Variants in TTLL5 observed in about 807,000 individuals in gnomAD.
TTLL5 encodes tubulin tyrosine ligase like 5.
TTLL5 carries 132 observed loss-of-function variants against 168.4 expected under a neutral mutation model. The ratio of observed to expected loss-of-function variants is 0.78; its 90% CI spans 0.68 to 0.91. The LOEUF is 0.91. TTLL5 is among the 40% of genes least tolerant of loss of function. TTLL5 has a pLI of 0.00. For missense variants in TTLL5, 1,545 were observed against 1,581.5 expected (o/e 0.98, Z 0.39); for synonymous variants, 546 against 558.6 (o/e 0.98, Z 0.32).
intron 20 of TTLL5, among the ~76,000 whole-genome samples, chr14:75,768,620 G>T (rs920624507): frequency 6.6e-6 from 1 of 152,136 alleles, no homozygotes; most frequent in Non-Finnish European, 1.5e-5. Flanking sequence ...AGGAAGGTGG[G>T]AAGAGGCCAG....
intron 31 of TTLL5, among the ~76,000 whole-genome samples, chr14:75,950,353 GGAAAGGGCTTGTAAAATCCAATCCA>G (rs1261745351): frequency 2.0e-5 from 3 of 152,162 alleles, no homozygotes; most frequent in Non-Finnish European, 4.4e-5. Flanking sequence ...CACGGTAAAA[GGAAAGGGCTTGTAAAATCCAATCCA>G]GAAAGTGCAA....
chr14:75,951,880 C>G (rs2034972765), intron 31 of TTLL5, among the ~76,000 whole-genome samples: 1 of 152,142 alleles, frequency 6.6e-6, no homozygotes. Flanking sequence ...ATTCAATAAG[C>G]AGTTTCTTAG....
chr14:75,839,135 C>G (rs76567130), intron 28 of TTLL5: 2,227 of 152,910 alleles, frequency 0.015, 18 homozygotes, highest in South Asian at 0.025. Context: ...GTGACACACT[C>G]CTTGTACTTG....
intron 31 of TTLL5, chr14:75,930,676 G>T: frequency 5.1e-6 from 5 of 983,310 alleles, no homozygotes; most frequent in Non-Finnish European, 6.0e-6. Flanking sequence ...GCAAAAATAG[G>T]ATTAGGCAAA....
intron 27 of TTLL5, among the ~76,000 whole-genome samples, chr14:75,797,002 C>T (rs1017032273): frequency 2.2e-4 from 33 of 152,022 alleles, no homozygotes; most frequent in African/African-American, 6.8e-4. Context: ...TTGTAGATTG[C>T]TTTTGGCAGT....
chr14:75,857,182 A>G (rs1897173644), intron 28 of TTLL5, among the ~76,000 whole-genome samples: 1 of 152,216 alleles, frequency 6.6e-6, no homozygotes, highest in African/African-American at 2.4e-5. Flanking sequence ...TAGTTTACTA[A>G]GAGTGTCTGT....
intron 31 of TTLL5, among the ~76,000 whole-genome samples, chr14:75,941,011 C>T (rs1273377124): frequency 6.6e-6 from 1 of 152,176 alleles, no homozygotes; most frequent in Non-Finnish European, 1.5e-5. Context: ...AAATCTTCCC[C>T]CATAGATGGA....
intron 13 of TTLL5, among the ~76,000 whole-genome samples, chr14:75,733,120 G>A (rs1190459822): frequency 6.6e-6 from 1 of 152,256 alleles, no homozygotes; most frequent in African/African-American, 2.4e-5. Flanking sequence ...AATAAAGACA[G>A]ATTGACTACT....
In TTLL5 at chr14:75,691,935, C is replaced by T. The variant is rs958764429; in HGVS notation, c.502+1613C>T. 4.6e-5 allele frequency among the ~76,000 whole-genome samples: 7 copies of T among 152,176 alleles called. No individual in the cohort carries two copies. The South Asian group carries it at 6.2e-4, about 14-fold the overall frequency. ...GCCTGCTTCACCATTTATCTAATAG[C>T]GTTTGTTGCTCTATCTGGGGCCATT... On this transcript the variant is annotated intron_variant, in intron 6 of 31. Transcript: ENST00000298832.
Position 75,783,404 on chromosome 14 carries a change from A to T in TTLL5, c.2860A>T (p.Ile954Phe), listed in dbSNP as rs763052619. ...SPCLHPGAQN[I>F]PSPTGLPRCR... is the part of the protein sequence containing the mutation. ...CTGCCTACATCCCGGGGCACAGAACATCCCAAGCCCTACTGGCCTGCCACG... is the reference window on the plus strand; with the variant it reads ...CTGCCTACATCCCGGGGCACAGAACTTCCCAAGCCCTACTGGCCTGCCACG... The change falls in exon 26 of 32, where the codon ATC becomes TTC. Residue 954 changes from isoleucine (I) to phenylalanine (F), a missense_variant. By Grantham distance (21) the Ile-to-Phe change is conservative. Transcript: ENST00000298832. 1.2e-6 allele frequency: 2 copies of T among 1,614,166 alleles called. No individual in the cohort carries two copies. Among genetic ancestry groups the T allele is most frequent in the East Asian group, 2.2e-5 (1 of 44,878 alleles).
intron 31 of TTLL5, among the ~76,000 whole-genome samples, chr14:75,925,699 C>G (rs989537618): frequency 6.6e-6 from 1 of 151,962 alleles, no homozygotes; most frequent in Non-Finnish European, 1.5e-5. Flanking sequence ...CCAAGGCAGG[C>G]GGCTCGGAGG....
intron 28 of TTLL5, among the ~76,000 whole-genome samples, chr14:75,863,284 A>G (rs919919424): frequency 1.3e-5 from 2 of 152,192 alleles, no homozygotes; most frequent in African/African-American, 4.8e-5. Flanking sequence ...GAAAATGATC[A>G]TGCATCTGTT....
At chr14:75,830,569 T>C (rs1895504171) in intron 28 of TTLL5, among the ~76,000 whole-genome samples, 1 of 152,234 alleles carries the variant, frequency 6.6e-6, no homozygotes. Flanking sequence ...TTTTTATTTT[T>C]TCATTAAAAT....
At position 75,728,373 on chromosome 14, in the gene TTLL5, A is replaced by G. The variant is rs541807641; in HGVS notation, c.1043-3965A>G. ...CTCCATCTCAGAAAAAAAAAAAAAA[A>G]AGAGAGAAAAAGAGACTAAAGAGAA... On this transcript the variant is annotated intron_variant, in intron 12 of 31. Transcript: ENST00000298832. Among the ~76,000 whole-genome samples, 1,359 of 151,454 alleles carry G rather than the reference A, an allele frequency of 9.0e-3. 19 individuals carry two copies. Among genetic ancestry groups the G allele is most frequent in the African/African-American group, 0.03 (1,240 of 41,284 alleles).
intron 31 of TTLL5, chr14:75,941,353 T>G (rs556635554): frequency 6.6e-6 from 1 of 152,368 alleles, no homozygotes; most frequent in South Asian, 2.1e-4. Flanking sequence ...ACACCCCAGC[T>G]GTCCGTTTCT....
chr14:75,880,818 A>G (rs1595197608), intron 29 of TTLL5, among the ~76,000 whole-genome samples: 1 of 152,192 alleles, frequency 6.6e-6, no homozygotes. Context: ...GGGCTCCTTG[A>G]TTCTCTTGGA....
intron 31 of TTLL5, among the ~76,000 whole-genome samples, chr14:75,952,650 A>G (rs1402163129): frequency 6.6e-6 from 1 of 152,264 alleles, no homozygotes; most frequent in South Asian, 2.1e-4. Context: ...AATGTGGTCT[A>G]TACACACAAT....
At chr14:75,776,654 A>G in intron 22 of TTLL5, 93 bp from the exon 23 acceptor site, 1 of 859,170 alleles carries the variant, frequency 1.2e-6, no homozygotes, top group Non-Finnish European at 1.8e-6. Context: ...GGACAGATTA[A>G]CTCAAGGCTA....
intron 12 of TTLL5, among the ~76,000 whole-genome samples, chr14:75,729,720 A>AT (rs1183873035): frequency 2.0e-5 from 3 of 152,174 alleles, no homozygotes; most frequent in Admixed American, 6.5e-5. Flanking sequence ...TCAAGGCTGG[A>AT]TTTTTTTAGT....
Sources: gnomAD v4.1 joint callset for allele counts (sites outside exome capture counted in the v4.1 genomes callset) on GRCh38, gnomAD v4.1.1 for gene constraint, MANE v1.5 for transcripts, NCBI Gene and HGNC (gene_info 2026-07-23, HGNC 2026-07-21) for gene names.